Variants in LRP1B observed in about 807,000 individuals in gnomAD.
LRP1B encodes the protein low-density lipoprotein receptor-related protein 1B.
LRP1B carries 217 observed loss-of-function variants against 556.6 expected under a neutral mutation model. The observed-to-expected ratio is 0.39, with a 90% CI of 0.35 to 0.44. LRP1B has a LOEUF of 0.44. Among genes scored for constraint, LRP1B ranks in the 20% least tolerant of loss-of-function variants. The probability of loss-of-function intolerance (pLI) is 1.00; values close to 1 mark genes in which losing one functional copy is unlikely to be tolerated. For synonymous variants in LRP1B, 2,047 were observed against 1,865.8 expected (o/e 1.10, Z -2.50); for missense variants, 5,053 against 5,620.8 (o/e 0.90, Z 3.23).
At chr2:141,767,559 T>C (rs1239889189) in intron 2 of LRP1B, among the ~76,000 whole-genome samples, 1 of 152,030 alleles carries the variant, frequency 6.6e-6, no homozygotes, top group Non-Finnish European at 1.5e-5. Flanking sequence ...GTACTTTCTA[T>C]CCTGCTCTTA....
intron 1 of LRP1B, among the ~76,000 whole-genome samples, chr2:142,103,573 A>T (rs1034218190): frequency 1.3e-5 from 2 of 152,030 alleles, no homozygotes; most frequent in Non-Finnish European, 2.9e-5. Flanking sequence ...GAAGCTGACT[A>T]GTCACTTGTA....
At chr2:142,043,264 A>G (rs1243506956) in intron 1 of LRP1B, among the ~76,000 whole-genome samples, 1 of 151,608 alleles carries the variant, frequency 6.6e-6, no homozygotes, top group Non-Finnish European at 1.5e-5. Flanking sequence ...CATTGTTATA[A>G]TGGTTGTACT....
intron 7 of LRP1B, among the ~76,000 whole-genome samples, chr2:141,067,869 G>A (rs1699521506): frequency 6.6e-6 from 1 of 151,862 alleles, no homozygotes; most frequent in Non-Finnish European, 1.5e-5. Flanking sequence ...GGGTGTGAGA[G>A]AAGAAATACT....
At chr2:140,280,381 G>T (rs1682865897) in intron 84 of LRP1B, among the ~76,000 whole-genome samples, 1 of 151,908 alleles carries the variant, frequency 6.6e-6, no homozygotes, top group African/African-American at 2.4e-5. Flanking sequence ...ATTCAAGATA[G>T]AAAAGAGTGG....
intron 2 of LRP1B, among the ~76,000 whole-genome samples, chr2:141,594,908 A>T (rs554166397): frequency 5.9e-5 from 9 of 152,260 alleles, no homozygotes; most frequent in African/African-American, 2.2e-4. Flanking sequence ...TGTAATTTCT[A>T]GTTTTCCTAA....
intron 1 of LRP1B, among the ~76,000 whole-genome samples, chr2:142,096,152 A>T (rs79143626): frequency 0.054 from 8,206 of 151,734 alleles, 725 homozygotes; most frequent in African/African-American, 0.19. Flanking sequence ...TCTTTTATTT[A>T]GTTTTATGCA....
chr2:141,160,074 C>A (rs575952921), intron 7 of LRP1B, among the ~76,000 whole-genome samples: 1 of 151,788 alleles, frequency 6.6e-6, no homozygotes, highest in Non-Finnish European at 1.5e-5. Context: ...GTGTAACAAA[C>A]CTGCATGTTC....
intron 3 of LRP1B, among the ~76,000 whole-genome samples, chr2:141,410,236 C>T (rs1690801774): frequency 6.6e-6 from 1 of 151,868 alleles, no homozygotes; most frequent in Non-Finnish European, 1.5e-5. Flanking sequence ...AATACCATCC[C>T]CATTGTAGGG....
intron 3 of LRP1B, among the ~76,000 whole-genome samples, chr2:141,313,992 T>C (rs1357087059): frequency 6.6e-6 from 1 of 152,202 alleles, no homozygotes; most frequent in Non-Finnish European, 1.5e-5. Context: ...GGACATTTAG[T>C]TAGATTCTTG....
At chr2:140,971,289 T>G (rs2105329594) in intron 18 of LRP1B, among the ~76,000 whole-genome samples, 1 of 152,068 alleles carries the variant, frequency 6.6e-6, no homozygotes, top group East Asian at 1.9e-4. Context: ...AGGTTGAAGT[T>G]ATGTTGCCCC....
At chr2:140,630,444 C>A (rs1683837795) in intron 41 of LRP1B, among the ~76,000 whole-genome samples, 1 of 152,172 alleles carries the variant, frequency 6.6e-6, no homozygotes, top group Non-Finnish European at 1.5e-5. Flanking sequence ...GAGAGACAGG[C>A]AAATACAGGT....
At chr2:140,514,434 G>T (rs534641667) in intron 51 of LRP1B, among the ~76,000 whole-genome samples, 1 of 151,828 alleles carries the variant, frequency 6.6e-6, no homozygotes, top group South Asian at 2.1e-4. Context: ...ATTTGTTGTG[G>T]CAATATTAAG....
intron 29 of LRP1B, among the ~76,000 whole-genome samples, chr2:140,847,507 G>A (rs779023523): frequency 9.2e-5 from 14 of 151,994 alleles, no homozygotes; most frequent in African/African-American, 2.2e-4. Flanking sequence ...AGTGGTTCAC[G>A]CCTGTAATCC....
chr2:140,409,507 G>T (rs1312896242), intron 66 of LRP1B, among the ~76,000 whole-genome samples: 1 of 151,880 alleles, frequency 6.6e-6, no homozygotes, highest in Non-Finnish European at 1.5e-5. Flanking sequence ...CATTGTAGTT[G>T]ATACAGAGAA....
chr2:140,234,955 GT>G (rs1258770138), intron 89 of LRP1B, 71 bp from the exon 90 acceptor site: 2 of 676,736 alleles, frequency 3.0e-6, no homozygotes, highest in African/African-American at 3.6e-5. Flanking sequence ...TACATATCAT[GT>G]TAATTCATAA....
At chr2:141,153,231 T>A (rs1701968539) in intron 7 of LRP1B, among the ~76,000 whole-genome samples, 2 of 127,808 alleles carry the variant, frequency 1.6e-5, no homozygotes, top group East Asian at 4.7e-4. Context: ...ATATATTATA[T>A]ATATAATTTG....
At chr2:141,220,085 T>A (rs1042784633) in intron 6 of LRP1B, among the ~76,000 whole-genome samples, 1 of 152,138 alleles carries the variant, frequency 6.6e-6, no homozygotes, top group African/African-American at 2.4e-5. Flanking sequence ...CCAAGATGAA[T>A]GACCTGACAG....
At chr2:140,258,743 G>A (rs1681806245) in intron 86 of LRP1B, among the ~76,000 whole-genome samples, 2 of 152,052 alleles carry the variant, frequency 1.3e-5, no homozygotes, top group Non-Finnish European at 2.9e-5. Context: ...TGAGAAAAGA[G>A]GTTCAGAGAA....
chr2:141,330,955 T>C (rs1000413468), intron 3 of LRP1B, among the ~76,000 whole-genome samples: 2 of 152,086 alleles, frequency 1.3e-5, no homozygotes, highest in African/African-American at 2.4e-5. Context: ...AGACGGAGTT[T>C]CACCGTGTTA....
Sources: allele counts gnomAD v4.1 joint callset (sites outside exome capture counted in the v4.1 genomes callset), GRCh38; gene constraint gnomAD v4.1.1; transcripts MANE v1.5; gene names NCBI Gene and HGNC (gene_info 2026-07-23, HGNC 2026-07-21).